Variants in RASGRP3 observed in about 807,000 individuals in gnomAD.
The protein encoded by RASGRP3 is ras guanyl-releasing protein 3.
A neutral mutation model predicts 82.7 loss-of-function variants in RASGRP3; 54 were observed. That is an observed-to-expected ratio of 0.65 (90% CI 0.52 to 0.82). The LOEUF is 0.82. Ranked by LOEUF, RASGRP3 falls within the 40% of genes least tolerant of loss-of-function variation. The pLI, the probability that RASGRP3 is intolerant of heterozygous loss-of-function variation, is 0.00. For synonymous variants in RASGRP3, 309 were observed against 300.5 expected (o/e 1.03, Z -0.29); for missense variants, 861 against 828.9 (o/e 1.04, Z -0.48).
intron 10 of RASGRP3, chr2:33,533,028 CAT>C (rs1473949016): frequency 6.6e-6 from 1 of 152,158 alleles, no homozygotes; most frequent in Non-Finnish European, 1.5e-5. Flanking sequence ...ACCTCATACA[CAT>C]GTTAGATAAA....
chr2:33,485,097 C>T (rs1668259642), intron 1 of RASGRP3, among the ~76,000 whole-genome samples: 1 of 152,162 alleles, frequency 6.6e-6, no homozygotes, highest in Non-Finnish European at 1.5e-5. Context: ...ACTTGGAAGG[C>T]TGAGGCAGGA....
chr2:33,515,255 A>G, intron 3 of RASGRP3, 49 bp downstream of exon 3: 3 of 1,592,862 alleles, frequency 1.9e-6, no homozygotes, highest in Non-Finnish European at 2.6e-6. Context: ...CGATGCTCTC[A>G]CTTTCCTCTA....
At chr2:33,545,320 G>A (rs1297451236) in intron 13 of RASGRP3, among the ~76,000 whole-genome samples, 3 of 152,144 alleles carry the variant, frequency 2.0e-5, no homozygotes, top group Admixed American at 2.0e-4. Flanking sequence ...TTTCTCTAAG[G>A]TACTGTTTTC....
At chr2:33,468,162 C>T (rs2150910572) in intron 2 of RASGRP3, among the ~76,000 whole-genome samples, 1 of 151,744 alleles carries the variant, frequency 6.6e-6, no homozygotes, top group East Asian at 1.9e-4. Flanking sequence ...AAAAAATGAA[C>T]TAATAAATAT....
chr2:33,514,863 G>T, intron 2 of RASGRP3, 147 bp from the exon 3 acceptor site: 1 of 426,272 alleles, frequency 2.3e-6, no homozygotes, highest in Non-Finnish European at 4.3e-6. Context: ...CATCATAAAA[G>T]GTTGATGTAA....
At chr2:33,464,893 C>A (rs986929131) in intron 2 of RASGRP3, among the ~76,000 whole-genome samples, 2 of 152,148 alleles carry the variant, frequency 1.3e-5, no homozygotes, top group Admixed American at 6.5e-5. Flanking sequence ...TACAAACTGG[C>A]CATTTCCCCA....
At chr2:33,488,211 G>A (rs930741255) in intron 1 of RASGRP3, among the ~76,000 whole-genome samples, 4 of 152,182 alleles carry the variant, frequency 2.6e-5, no homozygotes, top group African/African-American at 9.6e-5. Flanking sequence ...TAACTATCAA[G>A]TATTGTCCTG....
chr2:33,558,693 T>C lies in RASGRP3; in HGVS notation c.1727T>C (p.Phe576Ser), dbSNP rs779745078. 6 of 1,608,188 alleles carry C rather than the reference T, an allele frequency of 3.7e-6. No individual in the cohort carries two copies. The African/African-American group carries it at 6.7e-5, about 18-fold the overall frequency. Reference sequence around the variant, plus strand: ...CCAGCGCAGGATGAGGTGTTTGAGTTCCCTGGAGTCACTGCTGGACACAGG... The same window carrying C: ...CCAGCGCAGGATGAGGTGTTTGAGTCCCCTGGAGTCACTGCTGGACACAGG... Reference protein sequence around the residue: ...LPPAQDEVFEFPGVTAGHRDL... With the variant: ...LPPAQDEVFESPGVTAGHRDL... The change falls in exon 17 of 18, where the codon TTC (phenylalanine) becomes TCC (serine). Residue 576 changes from phenylalanine to serine, a missense_variant. By Grantham distance (155) the Phe-to-Ser change is radical. Transcript: ENST00000403687.
intron 1 of RASGRP3, among the ~76,000 whole-genome samples, chr2:33,438,688 A>C (rs1665058319): frequency 6.6e-6 from 1 of 152,156 alleles, no homozygotes; most frequent in Non-Finnish European, 1.5e-5. Flanking sequence ...TGCTGAGAAC[A>C]TTTTAAGTTA....
intron 13 of RASGRP3, among the ~76,000 whole-genome samples, chr2:33,546,892 C>A (rs112465978): frequency 0.018 from 2,770 of 151,952 alleles, 46 homozygotes; most frequent in Non-Finnish European, 0.028. Flanking sequence ...CATGGAGAAA[C>A]CCCATCTCTA....
At chr2:33,519,891 C>A (rs7597095) in intron 4 of RASGRP3, 61 bp from the exon 5 acceptor site, 2 of 1,206,974 alleles carry the variant, frequency 1.7e-6, no homozygotes, top group African/African-American at 3.0e-5. Context: ...ATTGAGGGCA[C>A]AGCTGCAGGG....
intron 2 of RASGRP3, among the ~76,000 whole-genome samples, chr2:33,468,502 A>G (rs1032828866): frequency 6.6e-6 from 1 of 152,110 alleles, no homozygotes; most frequent in Non-Finnish European, 1.5e-5. Context: ...CCGAGGTTCA[A>G]GCGATTCTCC....
Position 33,504,607 on chromosome 2 carries a change from T to C in RASGRP3, c.-260-7103T>C, listed in dbSNP as rs538343132. Among the ~76,000 whole-genome samples the C allele has an allele frequency of 5.9e-5, 9 of 152,340 alleles. No homozygotes were observed. The South Asian group carries it at 1.9e-3, about 32-fold the overall frequency. The stretch of plus-strand genomic sequence containing the variant: ...TGTGGAGCAACTTAAAATTCTTGTT[T>C]TCAAATCCTTTCCCTTGTTTTTAGC... On this transcript the variant is annotated intron_variant, in intron 1 of 17. Coordinates refer to ENST00000403687, the MANE Select transcript of RASGRP3 (RefSeq NM_001139488.2).
intron 1 of RASGRP3, among the ~76,000 whole-genome samples, chr2:33,497,296 A>T (rs1278899029): frequency 6.6e-6 from 1 of 152,250 alleles, no homozygotes; most frequent in Non-Finnish European, 1.5e-5. Flanking sequence ...AAGCCAGTAG[A>T]CATGAGATAT....
At chr2:33,479,412 C>T (rs1160835707) in intron 1 of RASGRP3, among the ~76,000 whole-genome samples, 3 of 93,966 alleles carry the variant, frequency 3.2e-5, no homozygotes, top group African/African-American at 8.2e-5. Context: ...AGGACAGCCA[C>T]TCCACCCATG....
chr2:33,474,577 A>G (rs1428036768), upstream of RASGRP3, among the ~76,000 whole-genome samples: 2 of 152,160 alleles, frequency 1.3e-5, no homozygotes, highest in African/African-American at 2.4e-5. Context: ...TGCTGGGATT[A>G]TAGGCATGAG....
intron 14 of RASGRP3, 158 bp from the exon 15 acceptor site, chr2:33,555,373 G>A (rs529289272): frequency 1.9e-6 from 1 of 524,568 alleles, no homozygotes; most frequent in South Asian, 2.9e-5. Context: ...GGGGCCGGGA[G>A]AGGGTTCTTC....
At chr2:33,547,906 G>A (rs1193074345) in intron 13 of RASGRP3, among the ~76,000 whole-genome samples, 1 of 152,096 alleles carries the variant, frequency 6.6e-6, no homozygotes, top group African/African-American at 2.4e-5. Context: ...CCAAAAGAAG[G>A]AAACATGTCT....
At chr2:33,462,166 G>GA (rs1004334049) in intron 2 of RASGRP3, among the ~76,000 whole-genome samples, 35 of 149,434 alleles carry the variant, frequency 2.3e-4, no homozygotes, top group Admixed American at 4.0e-4. Context: ...TTGGAAAGAG[G>GA]AAAAAAAAAC....
Sources: gnomAD v4.1 joint callset for allele counts (sites outside exome capture counted in the v4.1 genomes callset) on GRCh38, gnomAD v4.1.1 for gene constraint, MANE v1.5 for transcripts, NCBI Gene and HGNC (gene_info 2026-07-23, HGNC 2026-07-21) for gene names.